The following CLDN18 variants were observed in gnomAD, a reference collection of about 807,000 sequenced individuals.
The protein encoded by CLDN18 is claudin-18.
In CLDN18, 20 loss-of-function variants were observed where a neutral mutation model predicts 25.0. The ratio of observed to expected loss-of-function variants is 0.80; its 90% CI spans 0.56 to 1.16. CLDN18 has a LOEUF of 1.16. CLDN18 is among the 50% of genes most tolerant of loss of function. CLDN18 has a pLI of 0.00. For synonymous variants in CLDN18, 125 were observed against 135.6 expected, an observed-to-expected ratio of 0.92 and a Z score of 0.54; for missense variants, 297 against 345.4, an observed-to-expected ratio of 0.86 and a Z score of 1.11.
At chr3:138,019,328 T>G (rs1942245366) in intron 1 of CLDN18, among the ~76,000 whole-genome samples, 1 of 152,224 alleles carries the variant, frequency 6.6e-6, no homozygotes, top group South Asian at 2.1e-4. Context: ...TCCCATATTA[T>G]TCTCAAGAGC....
At chr3:138,027,931 C>T (rs896162402) in intron 3 of CLDN18, among the ~76,000 whole-genome samples, 4 of 152,186 alleles carry the variant, frequency 2.6e-5, no homozygotes, top group Non-Finnish European at 5.9e-5. Context: ...TGTCTTTTTC[C>T]CAGTCCAAGG....
intron 1 of CLDN18, among the ~76,000 whole-genome samples, chr3:138,019,620 G>A (rs1383973733): frequency 6.6e-6 from 1 of 152,196 alleles, no homozygotes; most frequent in Non-Finnish European, 1.5e-5. Flanking sequence ...CTTCTTGAAA[G>A]CTGTTGTCTC....
upstream of CLDN18, among the ~76,000 whole-genome samples, chr3:138,006,080 T>C: frequency 6.6e-6 from 1 of 152,274 alleles, no homozygotes; most frequent in East Asian, 1.9e-4. Context: ...AGATAATTGA[T>C]AAGAAGGAAG....
chr3:138,016,854 G>C (rs181222691), intron 1 of CLDN18, among the ~76,000 whole-genome samples: 163 of 152,244 alleles, frequency 1.1e-3, no homozygotes, highest in African/African-American at 3.8e-3. Context: ...AGGATTTCGA[G>C]ACCAGCCTGA....
At chr3:138,007,187 C>T (rs1238762360), upstream of CLDN18, among the ~76,000 whole-genome samples, 11 of 152,066 alleles carry the variant, frequency 7.2e-5, no homozygotes, top group African/African-American at 2.2e-4. Context: ...CCTAGCAATC[C>T]CATTACTGGG....
rs201156499 is a variant in CLDN18, at chr3:138,010,384, C to T, written c.159C>T (p.Cys53=). 245 of 1,614,200 alleles carry T rather than the reference C, an allele frequency of 1.5e-4. No individual in the cohort carries two copies. The highest frequency in any genetic ancestry group is 3.3e-4 in the Middle Eastern group (2 of 6,062). ...VFQYEGLWRS[C]VRQSSGFTEC... is the part of the protein sequence containing the mutation. ...AGTACGAAGGGCTCTGGAGGAGCTGCGTGAGGCAGAGTTCAGGCTTCACCG... is the reference window on the plus strand; with the variant it reads ...AGTACGAAGGGCTCTGGAGGAGCTGTGTGAGGCAGAGTTCAGGCTTCACCG... Residue 53 remains cysteine, a synonymous_variant, in exon 1 of 5, where the codon TGC becomes TGT. Coordinates refer to ENST00000183605, the MANE Select transcript of CLDN18 (RefSeq NM_016369.4).
At position 138,004,279 on chromosome 3, in the gene CLDN18, A is replaced by G. The variant is rs80111279; in HGVS notation, c.220+5191A>G. Among the ~76,000 whole-genome samples, 1,521 of 152,348 alleles carry G rather than the reference A, an allele frequency of 1.0e-2. 25 individuals carry two copies. Among genetic ancestry groups the G allele is most frequent in the African/African-American group, 0.033 (1,363 of 41,576 alleles). On this transcript the variant is annotated intron_variant, in intron 1 of 4. Transcript: ENST00000343735. ...AGGAAACAGGCACAAAGAGGTTAAA[A>G]TATTTGCCTAATGGCACTGTGGTAG...
chr3:138,029,058 T>G (rs1942358642), intron 3 of CLDN18, among the ~76,000 whole-genome samples: 1 of 152,118 alleles, frequency 6.6e-6, no homozygotes, highest in Non-Finnish European at 1.5e-5. Context: ...GCATGGAGGG[T>G]TGTAAGGATT....
chr3:138,015,029 G>C (rs1377996511), intron 1 of CLDN18, among the ~76,000 whole-genome samples: 6 of 152,154 alleles, frequency 3.9e-5, no homozygotes. Flanking sequence ...AGCTACTCAG[G>C]AGGCTGTGGC....
chr3:138,023,044 T>C (rs1171238322), intron 1 of CLDN18, among the ~76,000 whole-genome samples: 2 of 152,230 alleles, frequency 1.3e-5, no homozygotes, highest in African/African-American at 4.8e-5. Context: ...CCTAATATTG[T>C]TATATTGTTT....
At chr3:137,999,186 G>A in intron 1 of CLDN18, 2 of 1,090,888 alleles carry the variant, frequency 1.8e-6, no homozygotes, top group East Asian at 4.8e-5. Flanking sequence ...TGCTGGGGAG[G>A]GAGGAACTGC....
In CLDN18 at chr3:138,018,437, C is replaced by T. The variant is rs377700375; in HGVS notation, c.221-5221C>T. Among the ~76,000 whole-genome samples, 22 of 149,732 alleles carry T rather than the reference C, an allele frequency of 1.5e-4. 1 individual carries two copies. The Middle Eastern group carries it at 0.014, about 95-fold the overall frequency. On this transcript the variant is annotated intron_variant, in intron 1 of 4. Transcript: ENST00000183605. Reference sequence around the variant, plus strand: ...CTGCAAGCTCCGCCTCCCGGGTTCACGCCATTCTCCTGCCTCAGCCTCCCA... The same window carrying T: ...CTGCAAGCTCCGCCTCCCGGGTTCATGCCATTCTCCTGCCTCAGCCTCCCA...
At chr3:138,023,605 G>C in intron 1 of CLDN18, 53 bp from the exon 2 acceptor site, 1 of 1,571,626 alleles carries the variant, frequency 6.4e-7, no homozygotes, top group Non-Finnish European at 8.7e-7. Context: ...GCCTAATCAA[G>C]TGTGCTGAGT....
intron 1 of CLDN18, among the ~76,000 whole-genome samples, chr3:137,999,558 G>A (rs961547351): frequency 2.0e-5 from 3 of 152,092 alleles, no homozygotes; most frequent in Admixed American, 6.5e-5. Context: ...AATAGAAATC[G>A]GGCAGAGGAA....
At chr3:138,000,397 G>A (rs772362358) in intron 1 of CLDN18, among the ~76,000 whole-genome samples, 1 of 152,136 alleles carries the variant, frequency 6.6e-6, no homozygotes, top group Non-Finnish European at 1.5e-5. Context: ...AGCCATGAGG[G>A]TGCCACCGCC....
intron 4 of CLDN18, 83 bp from the exon 5 acceptor site, chr3:138,030,887 G>A: frequency 7.7e-7 from 1 of 1,298,132 alleles, no homozygotes; most frequent in East Asian, 2.3e-5. Context: ...TCAGTGCCAA[G>A]ACTGAGACAG....
chr3:138,015,442 G>A (rs1165144992), intron 1 of CLDN18, among the ~76,000 whole-genome samples: 1 of 152,240 alleles, frequency 6.6e-6, no homozygotes, highest in Non-Finnish European at 1.5e-5. Context: ...AGAAATGTAA[G>A]TTTGCAATGA....
chr3:138,023,613 A>G (rs779620883), intron 1 of CLDN18, 45 bp from the exon 2 acceptor site: 1 of 1,595,666 alleles, frequency 6.3e-7, no homozygotes, highest in South Asian at 1.1e-5. Flanking sequence ...AAGTGTGCTG[A>G]GTTGGTCTTA....
At chr3:138,009,588 G>A (rs1942106195), upstream of CLDN18, among the ~76,000 whole-genome samples, 1 of 152,124 alleles carries the variant, frequency 6.6e-6, no homozygotes, top group Non-Finnish European at 1.5e-5. Context: ...CCCCACCCCT[G>A]CCGTTTTTAG....
Sources: allele counts gnomAD v4.1 joint callset (sites outside exome capture counted in the v4.1 genomes callset), GRCh38; gene constraint gnomAD v4.1.1; transcripts MANE v1.5; gene names NCBI Gene and HGNC (gene_info 2026-07-23, HGNC 2026-07-21).